CARMIL2: variants seen among roughly 807,000 people sequenced by gnomAD.
The protein encoded by CARMIL2 is capping protein regulator and myosin 1 linker 2.
Under a neutral mutation model 173.3 loss-of-function variants are expected in CARMIL2, and 96 were observed. That is an observed-to-expected ratio of 0.55 (90% confidence interval 0.47 to 0.66). The LOEUF is 0.66. Among genes scored for constraint, CARMIL2 ranks in the 30% least tolerant of loss-of-function variants. CARMIL2 has a pLI of 0.00. For synonymous variants in CARMIL2, 830 were observed against 817.1 expected, an observed-to-expected ratio of 1.02 and a Z score of -0.27; for missense variants, 1,771 against 1,906.7, an observed-to-expected ratio of 0.93 and a Z score of 1.33.
Position 67,656,299 on chromosome 16 carries a change from G to GGTGA in CARMIL2, c.3814+6_3814+9dup. 1 of 1,613,994 alleles carries GGTGA rather than the reference G, an allele frequency of 6.2e-7. No homozygotes were observed. Among genetic ancestry groups the GGTGA allele is most frequent in the African/African-American group, 1.3e-5 (1 of 75,066 alleles). ...GTCCCGCACCCACTCTGTGTCTGCT[G>GGTGA]GTGAGTGAGGGCCACTGTGTGTGTT... On this transcript the variant is annotated frameshift_variant and splice_region_variant. Coordinates refer to ENST00000334583, the MANE Select transcript of CARMIL2 (RefSeq NM_001013838.3). LOFTEE classifies it high-confidence loss of function.
rs375871517 is a variant in CARMIL2, at chr16:67,654,193, C to T, written c.3165C>T (p.Arg1055=). The T allele has an allele frequency of 1.1e-4, 174 of 1,568,648 alleles. No individual in the cohort carries two copies. The highest frequency in any genetic ancestry group is 1.4e-4 in the Non-Finnish European group (162 of 1,157,590). Residue 1055 remains arginine, a synonymous_variant, in exon 30 of 38, where the codon CGC becomes CGT. Transcript: ENST00000334583. ...AGGAAGGGAATGGGCTCAGTGCCCG[C>T]GTGGACGAGGGCGTGGAGGAATTCT... is the stretch of plus-strand genomic sequence containing the variant. ...LPQEGNGLSA[R]VDEGVEEFFS...
At chr16:67,645,430 C>T in intron 1 of CARMIL2, 110 bp from the exon 2 acceptor site, 1 of 1,363,208 alleles carries the variant, frequency 7.3e-7, no homozygotes, top group South Asian at 1.2e-5. Context: ...CTCTCCCCTC[C>T]TTCCTCGCTG....
Position 67,648,097 on chromosome 16 carries a change from A to C in CARMIL2, c.1117A>C (p.Asn373His). Residue 373 changes from asparagine (N) to histidine (H), a missense_variant, in exon 14 of 38, where the codon AAT (asparagine) becomes CAT (histidine). Asn to His is a moderately conservative substitution (Grantham distance 68). Around this residue, in one of 3 missense-constraint regions of CARMIL2, gnomAD observed 944 missense variants for 975.6 expected, o/e 0.97. Transcript: ENST00000334583. The surrounding 1 kb of genome is among the most constrained non-coding windows in gnomAD (Gnocchi z 6.1). The stretch of plus-strand genomic sequence containing the variant: ...CCGTCCTAACGTACTGTCGTTCCTG[A>C]ATCTCGCAGGCACCGACACTGCCCT... ...LSRPNVLSFL[N>H]LAGTDTALDT... is the part of the protein sequence containing the mutation. The C allele has an allele frequency of 6.2e-7, 1 of 1,612,776 alleles. No homozygotes were observed. Among genetic ancestry groups the C allele is most frequent in the Non-Finnish European group, 8.5e-7 (1 of 1,179,508 alleles).
In CARMIL2 at chr16:67,653,529, A is replaced by G. The variant is rs1012835645; in HGVS notation, c.3120+275A>G. ...CGCGGCCTCCGTGGCTGCGCGAGAGAGGGTGTCCGTCCTCCCTCCCTCCCC... is the reference window on the plus strand; with the variant it reads ...CGCGGCCTCCGTGGCTGCGCGAGAGGGGGTGTCCGTCCTCCCTCCCTCCCC... On this transcript the variant is annotated intron_variant, in intron 29 of 37. Transcript: ENST00000334583. This position sits in a 1 kb window ranked among gnomAD's most constrained non-coding sequence, Gnocchi z 7.4. Among the ~76,000 whole-genome samples, 1 of 151,926 alleles carries G rather than the reference A, an allele frequency of 6.6e-6. No homozygotes were observed. The highest frequency in any genetic ancestry group is 6.5e-5 in the Admixed American group (1 of 15,272).
In CARMIL2 at chr16:67,652,318, G is replaced by A. The variant is rs1597754540; in HGVS notation, c.2796G>A (p.Glu932=). 6.2e-7 allele frequency: 1 copy of A among 1,613,030 alleles called. No homozygotes were observed. Among genetic ancestry groups the A allele is most frequent in the Non-Finnish European group, 8.5e-7 (1 of 1,179,808 alleles). Residue 932 remains glutamate (E), a synonymous_variant, in exon 27 of 38, where the codon GAG becomes GAA. Transcript: ENST00000334583. This position sits in a 1 kb window ranked among gnomAD's most constrained non-coding sequence, Gnocchi z 4.7. ...GELEGLFFPE[E]KEEEKEKDDS... is the part of the protein sequence containing the mutation. Reference sequence around the variant, plus strand: ...TGGAAGGTCTTTTCTTCCCCGAGGAGAAGGAAGAGGAGAAGGAGAAGGTAA... The same window carrying A: ...TGGAAGGTCTTTTCTTCCCCGAGGAAAAGGAAGAGGAGAAGGAGAAGGTAA...
chr16:67,649,861 C>A lies in CARMIL2; in HGVS notation c.1975C>A (p.Gln659Lys). 1 of 1,612,906 alleles carries A rather than the reference C, an allele frequency of 6.2e-7. No homozygotes were observed. Reference protein sequence around the residue: ...TSALGLLDVAQALEQNHSLKA... With the variant: ...TSALGLLDVAKALEQNHSLKA... ...TGCTTTGGGTCTGCTGGACGTGGCG[C>A]AGGCGCTGGAGCAGAACCACAGCCT... Residue 659 changes from glutamine to lysine, a missense_variant, in exon 21 of 38, where the codon CAG (glutamine) becomes AAG (lysine). Transcript: ENST00000334583. The surrounding 1 kb of genome is among the most constrained non-coding windows in gnomAD (Gnocchi z 6.7).
In CARMIL2 at chr16:67,649,337, C is replaced by T. The variant is rs1445844604; in HGVS notation, c.1746+26C>T. 6 of 1,610,158 alleles carry T rather than the reference C, an allele frequency of 3.7e-6. No individual in the cohort carries two copies. The highest frequency in any genetic ancestry group is 5.1e-6 in the Non-Finnish European group (6 of 1,179,438). ...GTGAGTTCACGGGACCTTGCAGGGC[C>T]TCGGGCAATTAGACCACTTTGGTCC... On this transcript the variant is annotated intron_variant, in intron 19 of 37. Coordinates refer to ENST00000334583, the MANE Select transcript of CARMIL2 (RefSeq NM_001013838.3). This position sits in a 1 kb window ranked among gnomAD's most constrained non-coding sequence, Gnocchi z 6.7.
rs977741967 is a variant in CARMIL2 at position 67,648,314 on chromosome 16, C to T, written c.1334C>T (p.Thr445Met). The T allele has an allele frequency of 1.3e-6, 2 of 1,586,900 alleles. No homozygotes were observed. The highest frequency in any genetic ancestry group is 1.7e-5 in the Admixed American group (1 of 58,248). ...LDASRNVFSR[T>M]KSRAAPAALQ... ...GCTTCGAGGAACGTCTTCTCCCGCA[C>T]GTAAGGGGGACCTGTCGGGGCCGGG... The change falls in exon 14 of 38, where the codon ACG becomes ATG. Residue 445 changes from threonine (T) to methionine (M), a missense_variant and splice_region_variant. Physicochemically the swap from Thr to Met is moderately conservative, Grantham distance 81. This residue lies in a region of CARMIL2 where 944 missense variants were observed against 975.6 expected (regional missense o/e 0.97). Coordinates refer to ENST00000334583, the MANE Select transcript of CARMIL2 (RefSeq NM_001013838.3). This position sits in a 1 kb window ranked among gnomAD's most constrained non-coding sequence, Gnocchi z 6.1.
Position 67,657,422 on chromosome 16 carries a change from C to T in CARMIL2, c.4212C>T (p.Thr1404=), listed in dbSNP as rs571772592. The change falls in exon 38 of 38, where the codon ACC becomes ACT. Residue 1404 remains threonine (T), a synonymous_variant. Transcript: ENST00000334583. The surrounding 1 kb of genome is among the most constrained non-coding windows in gnomAD (Gnocchi z 4.5). Reference sequence around the variant, plus strand: ...CCCTCACAGGATCTGGCCTTGGAACCGAGCCTCTGCCCCCACAGCCCACAG... The same window carrying T: ...CCCTCACAGGATCTGGCCTTGGAACTGAGCCTCTGCCCCCACAGCCCACAG... ...PSPSLGSGLG[T]EPLPPQPTEP... The T allele has an allele frequency of 3.7e-5, 60 of 1,605,664 alleles. 1 individual carries two copies. In the South Asian group the frequency reaches 5.9e-4, roughly 16 times the overall value.
At position 67,653,013 on chromosome 16, in the gene CARMIL2, C is replaced by T. The variant is rs2052759403; in HGVS notation, c.2885-6C>T. The stretch of plus-strand genomic sequence containing the variant: ...GCTCGGTGCTCTTCTGGTGCTGTCC[C>T]CTCAGGTGCTGCTGAGGAAGCGGAG... On this transcript the variant is annotated splice_polypyrimidine_tract_variant and splice_region_variant and intron_variant, in intron 28 of 37. Coordinates refer to ENST00000334583, the MANE Select transcript of CARMIL2 (RefSeq NM_001013838.3). This position sits in a 1 kb window ranked among gnomAD's most constrained non-coding sequence, Gnocchi z 7.4. 7.9e-7 allele frequency: 1 copy of T among 1,266,744 alleles called. No individual in the cohort carries two copies. Among genetic ancestry groups the T allele is most frequent in the Non-Finnish European group, 1.0e-6 (1 of 988,368 alleles). The allele number at this position is 1,266,744 out of a possible 1,614,324, so 78.5% of individuals were successfully genotyped here.
Position 67,648,807 on chromosome 16 carries a change from G to C in CARMIL2, c.1509+53G>C. Reference sequence around the variant, plus strand: ...CACATTGGGAGAGGCGCTGGGAGGCGGAAGGGCAGGGCCGTGGGCCGCCTG... The same window carrying C: ...CACATTGGGAGAGGCGCTGGGAGGCCGAAGGGCAGGGCCGTGGGCCGCCTG... On this transcript the variant is annotated intron_variant, in intron 16 of 37. Coordinates refer to ENST00000334583, the MANE Select transcript of CARMIL2 (RefSeq NM_001013838.3). The surrounding 1 kb of genome is among the most constrained non-coding windows in gnomAD (Gnocchi z 6.1). The C allele has an allele frequency of 3.2e-6, 5 of 1,567,592 alleles. No individual in the cohort carries two copies. The highest frequency in any genetic ancestry group is 2.3e-5 in the South Asian group (2 of 85,482).
rs1318237452 is a variant in CARMIL2 at position 67,651,881 on chromosome 16, C to A, written c.2588+36C>A. 6 of 1,612,602 alleles carry A rather than the reference C, an allele frequency of 3.7e-6. No individual in the cohort carries two copies. Among genetic ancestry groups the A allele is most frequent in the African/African-American group, 2.7e-5 (2 of 74,924 alleles). ...TGGGGCTGGGCTGGGCAAGGCTGAGCAAAGCCAGCCCATTAACCCCTGTCC... is the reference window on the plus strand; with the variant it reads ...TGGGGCTGGGCTGGGCAAGGCTGAGAAAAGCCAGCCCATTAACCCCTGTCC... On this transcript the variant is annotated intron_variant, in intron 25 of 37. Coordinates refer to ENST00000334583, the MANE Select transcript of CARMIL2 (RefSeq NM_001013838.3). The surrounding 1 kb of genome is among the most constrained non-coding windows in gnomAD (Gnocchi z 4.2).
intron 32 of CARMIL2, among the ~76,000 whole-genome samples, chr16:67,655,514 T>C (rs1408972162): frequency 2.0e-5 from 3 of 152,260 alleles, no homozygotes; most frequent in Non-Finnish European, 4.4e-5. Flanking sequence ...AAGACACTGT[T>C]CAGACTCCAC....
In CARMIL2 at chr16:67,649,414, C is replaced by T. The variant is rs2052671203; in HGVS notation, c.1747-33C>T. The T allele has an allele frequency of 6.2e-7, 1 of 1,611,370 alleles. No homozygotes were observed. Among genetic ancestry groups the T allele is most frequent in the Admixed American group, 1.7e-5 (1 of 60,016 alleles). ...GTGACCTGCCCTCACTGACCCCTGA[C>T]TCCAGCCATCAATGGCTTTCTCTTA... On this transcript the variant is annotated intron_variant, in intron 19 of 37. Coordinates refer to ENST00000334583, the MANE Select transcript of CARMIL2 (RefSeq NM_001013838.3). This position sits in a 1 kb window ranked among gnomAD's most constrained non-coding sequence, Gnocchi z 6.7.
Position 67,657,314 on chromosome 16 carries a change from T to C in CARMIL2, c.4193T>C (p.Leu1398Pro). The C allele has an allele frequency of 6.2e-7, 1 of 1,613,434 alleles. No homozygotes were observed. The highest frequency in any genetic ancestry group is 8.5e-7 in the Non-Finnish European group (1 of 1,179,724). Residue 1398 changes from leucine (L) to proline (P), a missense_variant and splice_region_variant, in exon 37 of 38, where the codon CTA becomes CCA. Physicochemically the swap from Leu to Pro is moderately conservative, Grantham distance 98. Coordinates refer to ENST00000334583, the MANE Select transcript of CARMIL2 (RefSeq NM_001013838.3). This position sits in a 1 kb window ranked among gnomAD's most constrained non-coding sequence, Gnocchi z 4.5. Reference protein sequence around the residue: ...PKLEAPPSPSLGSGLGTEPLP... With the variant: ...PKLEAPPSPSPGSGLGTEPLP... ...CTCGAGGCACCTCCATCCCCAAGCC[T>C]AGGTAAGAGGGGGTCCAGGCCAGCT...
chr16:67,649,365 C>T lies in CARMIL2; in HGVS notation c.1746+54C>T. 1 of 1,609,370 alleles carries T rather than the reference C, an allele frequency of 6.2e-7. No homozygotes were observed. On this transcript the variant is annotated intron_variant, in intron 19 of 37. Transcript: ENST00000334583. This position sits in a 1 kb window ranked among gnomAD's most constrained non-coding sequence, Gnocchi z 6.7. Reference sequence around the variant, plus strand: ...GGGCAATTAGACCACTTTGGTCCTCCTTTCTCTTGTTCCCTCAGACCCTGT... The same window carrying T: ...GGGCAATTAGACCACTTTGGTCCTCTTTTCTCTTGTTCCCTCAGACCCTGT...
rs754498065 is a variant in CARMIL2 at position 67,654,657 on chromosome 16, G to C, written c.3547G>C (p.Glu1183Gln). 7 of 1,586,436 alleles carry C rather than the reference G, an allele frequency of 4.4e-6. No individual in the cohort carries two copies. The highest frequency in any genetic ancestry group is 3.5e-5 in the Admixed American group (2 of 57,292). Reference sequence around the variant, plus strand: ...CTACTCGATGATACTGCTGCCTGCCGAGGAGGAGGCAACGCTGGGTGCCAG... The same window carrying C: ...CTACTCGATGATACTGCTGCCTGCCCAGGAGGAGGCAACGCTGGGTGCCAG... ...KAYSMILLPA[E>Q]EEATLGARPD... is the part of the protein sequence containing the mutation. The change falls in exon 31 of 38, where the codon GAG (glutamate) becomes CAG (glutamine). Residue 1183 changes from glutamate (E) to glutamine (Q), a missense_variant. Physicochemically the swap from Glu to Gln is conservative, Grantham distance 29 (BLOSUM62 2). Coordinates refer to ENST00000334583, the MANE Select transcript of CARMIL2 (RefSeq NM_001013838.3).
Position 67,646,780 on chromosome 16 carries a change from A to C in CARMIL2, c.533A>C (p.Gln178Pro). The change falls in exon 7 of 38, where the codon CAG becomes CCG. Residue 178 changes from glutamine to proline, a missense_variant. Gln to Pro is a moderately conservative substitution (Grantham distance 76). This residue lies in a region of CARMIL2 where 944 missense variants were observed against 975.6 expected (regional missense o/e 0.97). Transcript: ENST00000334583. The surrounding 1 kb of genome is among the most constrained non-coding windows in gnomAD (Gnocchi z 4.6). ...YNGFPFREEI[Q>P]WDVDTIYHRQ... ...GGCTTCCCTTTCCGAGAGGAGATTC[A>C]GTGGGTGAGGGTAGGGCCCTTTTGA... The C allele has an allele frequency of 6.2e-7, 1 of 1,613,816 alleles. No individual in the cohort carries two copies. Among genetic ancestry groups the C allele is most frequent in the Non-Finnish European group, 8.5e-7 (1 of 1,179,834 alleles).
In CARMIL2 at chr16:67,650,142, T is replaced by C. The variant is rs201190819; in HGVS notation, c.2176T>C (p.Ser726Pro). ...GCCACTTGGTCTGGTCTCAGACCCC[T>C]CAGAGCAGGTCAATGTCCCCTCCCC... The part of the protein sequence containing the change: ...LQPLGLVSDP[S>P]EQEVNELCQS... The change falls in exon 22 of 38, where the codon TCA becomes CCA. Residue 726 changes from serine to proline, a missense_variant. Transcript: ENST00000334583. The C allele has an allele frequency of 1.2e-6, 2 of 1,610,580 alleles. No individual in the cohort carries two copies. Among genetic ancestry groups the C allele is most frequent in the African/African-American group, 2.7e-5 (2 of 74,842 alleles).
Sources: gnomAD v4.1 joint callset for allele counts (sites outside exome capture counted in the v4.1 genomes callset) on GRCh38, gnomAD v4.1.1 for gene constraint, gnomAD v4.1.1 regional missense constraint, Gnocchi (gnomAD v3.1) non-coding constraint, MANE v1.5 for transcripts, NCBI Gene and HGNC (gene_info 2026-07-23, HGNC 2026-07-21) for gene names.